KCNK13: variants seen among roughly 807,000 people sequenced by gnomAD.
KCNK13 encodes potassium channel subfamily K member 13.
A neutral mutation model predicts 23.4 loss-of-function variants in KCNK13; 12 were observed. The observed-to-expected ratio is 0.51, with a 90% confidence interval of 0.33 to 0.83. KCNK13 has a LOEUF of 0.83. Among genes scored for constraint, KCNK13 ranks in the 40% least tolerant of loss-of-function variants. The pLI is 0.02. For missense variants in KCNK13, 463 were observed against 556.3 expected, an observed-to-expected ratio of 0.83 and a Z score of 1.69; for synonymous variants, 231 against 229.5, an observed-to-expected ratio of 1.01 and a Z score of -0.06.
intron 1 of KCNK13, among the ~76,000 whole-genome samples, chr14:90,152,255 G>A (rs569690997): frequency 3.2e-4 from 49 of 152,206 alleles, no homozygotes; most frequent in African/African-American, 1.1e-3. Flanking sequence ...ATGCCTTTGC[G>A]GCCGGTGCAG....
At chr14:90,098,081 G>C (rs1889432994) in intron 1 of KCNK13, among the ~76,000 whole-genome samples, 1 of 152,130 alleles carries the variant, frequency 6.6e-6, no homozygotes, top group East Asian at 1.9e-4. Context: ...TCATGCATCT[G>C]CCTCATGTGT....
chr14:90,113,934 A>AAAG (rs775840828), intron 1 of KCNK13, among the ~76,000 whole-genome samples: 2 of 152,098 alleles, frequency 1.3e-5, no homozygotes, highest in African/African-American at 4.8e-5. Flanking sequence ...CTCTGTCTCA[A>AAAG]AAGAAGAAGA....
intron 1 of KCNK13, among the ~76,000 whole-genome samples, chr14:90,110,918 A>C (rs1889608912): frequency 6.6e-6 from 1 of 151,412 alleles, no homozygotes; most frequent in Admixed American, 6.6e-5. Context: ...CTGAGGCAGG[A>C]GAATTGCTTG....
chr14:90,098,356 A>G (rs1211975136), intron 1 of KCNK13, among the ~76,000 whole-genome samples: 2 of 152,358 alleles, frequency 1.3e-5, no homozygotes, highest in East Asian at 3.9e-4. Flanking sequence ...AAAGTTTTGA[A>G]GTGCTATAAT....
chr14:90,158,800 A>G (rs1890222313), intron 1 of KCNK13, among the ~76,000 whole-genome samples: 2 of 152,206 alleles, frequency 1.3e-5, no homozygotes. Flanking sequence ...ATGCAAATGT[A>G]ACAAGACCTA....
intron 1 of KCNK13, among the ~76,000 whole-genome samples, chr14:90,159,509 G>A (rs1474895542): frequency 6.6e-6 from 1 of 152,174 alleles, no homozygotes; most frequent in Non-Finnish European, 1.5e-5. Flanking sequence ...TCCAGCTGCA[G>A]GAGGGCAAAG....
At chr14:90,072,339 C>A in intron 1 of KCNK13, among the ~76,000 whole-genome samples, 1 of 152,114 alleles carries the variant, frequency 6.6e-6, no homozygotes, top group Admixed American at 6.5e-5. Context: ...GGGGTCAGAC[C>A]GTGAATGTAA....
At chr14:90,071,259 T>C (rs1889071378) in intron 1 of KCNK13, among the ~76,000 whole-genome samples, 1 of 152,200 alleles carries the variant, frequency 6.6e-6, no homozygotes, top group African/African-American at 2.4e-5. Context: ...GCTGTCTTCT[T>C]TTGAAAGAAG....
chr14:90,161,143 T>C (rs1890248954), intron 1 of KCNK13, among the ~76,000 whole-genome samples: 1 of 152,172 alleles, frequency 6.6e-6, no homozygotes, highest in Non-Finnish European at 1.5e-5. Context: ...TGATCCATGC[T>C]ATAACATGGA....
Position 90,062,360 on chromosome 14 carries a change from G to C in KCNK13, c.155G>C (p.Arg52Pro), listed in dbSNP as rs769065069. ...GCGCACGAGCGCCAGGCCAAGCAGC[G>C]CTGGGAGGAGCGCCTGGCCAACTTC... ...ELAHERQAKQRWEERLANFSR... is the reference protein window; with the variant it reads ...ELAHERQAKQPWEERLANFSR... The change falls in exon 1 of 2, where the codon CGC becomes CCC. Residue 52 changes from arginine to proline, a missense_variant. This residue lies in a region of KCNK13 where 153 missense variants were observed against 153.6 expected (regional missense o/e 1.00). Coordinates refer to ENST00000282146, the MANE Select transcript of KCNK13 (RefSeq NM_022054.4). The surrounding 1 kb of genome is among the most constrained non-coding windows in gnomAD (Gnocchi z 4.5). 2 of 1,555,866 alleles carry C rather than the reference G, an allele frequency of 1.3e-6. No individual in the cohort carries two copies. Among genetic ancestry groups the C allele is most frequent in the African/African-American group, 1.4e-5 (1 of 73,108 alleles).
intron 1 of KCNK13, among the ~76,000 whole-genome samples, chr14:90,085,719 T>TTA (rs1203527037): frequency 1.4e-5 from 2 of 138,074 alleles, no homozygotes; most frequent in African/African-American, 5.4e-5. Flanking sequence ...TATATATACT[T>TTA]ATATATAATA....
intron 1 of KCNK13, among the ~76,000 whole-genome samples, chr14:90,092,088 A>AT (rs956116461): frequency 6.7e-4 from 101 of 151,714 alleles, no homozygotes; most frequent in African/African-American, 2.2e-3. Flanking sequence ...CACCTGGCTA[A>AT]TTTTTTTTAT....
intron 1 of KCNK13, among the ~76,000 whole-genome samples, chr14:90,134,911 C>G (rs1320159799): frequency 1.3e-5 from 2 of 152,218 alleles, no homozygotes. Context: ...AAAACACTTT[C>G]CTAGATGATA....
At chr14:90,082,624 A>G (rs72629394) in intron 1 of KCNK13, among the ~76,000 whole-genome samples, 20,739 of 152,206 alleles carry the variant, frequency 0.14, 1,718 homozygotes, top group South Asian at 0.26. Context: ...TTGTTGCCAG[A>G]TAATATTCTG....
At chr14:90,163,222 A>G (rs964595814) in intron 1 of KCNK13, among the ~76,000 whole-genome samples, 8 of 152,252 alleles carry the variant, frequency 5.3e-5, no homozygotes, top group African/African-American at 1.9e-4. Flanking sequence ...AAGGAGAAGG[A>G]ACATTCCAGA....
chr14:90,086,534 G>C (rs183509350), intron 1 of KCNK13, among the ~76,000 whole-genome samples: 1 of 152,252 alleles, frequency 6.6e-6, no homozygotes, highest in East Asian at 1.9e-4. Flanking sequence ...ATTTCTTTTT[G>C]TCATCAGTGG....
chr14:90,106,445 C>T lies in KCNK13; in HGVS notation c.334+43906C>T, dbSNP rs189403419. 1.8e-3 allele frequency among the ~76,000 whole-genome samples: 268 copies of T among 151,878 alleles called. 3 individuals are homozygous for T. Among genetic ancestry groups the T allele is most frequent in the Non-Finnish European group, 2.9e-3 (199 of 67,930 alleles). On this transcript the variant is annotated intron_variant, in intron 1 of 1. Coordinates refer to ENST00000282146, the MANE Select transcript of KCNK13 (RefSeq NM_022054.4). ...CAAAAATTAGCCAGGCATGGTGGCTCATGCCTGTAATTCCAGCTACTCAGG... is the reference window on the plus strand; with the variant it reads ...CAAAAATTAGCCAGGCATGGTGGCTTATGCCTGTAATTCCAGCTACTCAGG...
At chr14:90,156,173 C>T (rs1221516536) in intron 1 of KCNK13, among the ~76,000 whole-genome samples, 2 of 144,360 alleles carry the variant, frequency 1.4e-5, no homozygotes, top group Non-Finnish European at 3.0e-5. Context: ...CCACTGCCCT[C>T]CAGCCTAGGT....
intron 1 of KCNK13, among the ~76,000 whole-genome samples, chr14:90,115,764 A>G (rs1045895561): frequency 3.9e-5 from 6 of 152,144 alleles, no homozygotes; most frequent in Admixed American, 6.5e-5. Context: ...ACCCTGAAAA[A>G]CCACCTGGGG....
Sources: allele counts gnomAD v4.1 joint callset (sites outside exome capture counted in the v4.1 genomes callset), GRCh38; gene constraint gnomAD v4.1.1; regional missense constraint gnomAD v4.1.1; non-coding constraint Gnocchi (gnomAD v3.1); transcripts MANE v1.5; gene names NCBI Gene and HGNC (gene_info 2026-07-23, HGNC 2026-07-21).